Variants in SYNDIG1 observed in about 807,000 individuals in gnomAD.
The protein encoded by SYNDIG1 is synapse differentiation inducing 1.
SYNDIG1 carries 9 observed loss-of-function variants against 19.4 expected under a neutral mutation model. The ratio of observed to expected loss-of-function variants is 0.46; its 90% CI spans 0.28 to 0.81. SYNDIG1 has a LOEUF of 0.81. SYNDIG1 is among the 30% of genes least tolerant of loss of function. SYNDIG1 has a pLI of 0.12. For missense variants in SYNDIG1, 311 were observed against 343.3 expected, an observed-to-expected ratio of 0.91 and a Z score of 0.74; for synonymous variants, 141 against 145.9, an observed-to-expected ratio of 0.97 and a Z score of 0.24.
At chr20:24,551,506 G>A (rs1196144078) in intron 2 of SYNDIG1, among the ~76,000 whole-genome samples, 2 of 150,838 alleles carry the variant, frequency 1.3e-5, no homozygotes, top group African/African-American at 4.9e-5. Context: ...AGATATTTAT[G>A]ACATCCTGCC....
intron 1 of SYNDIG1, among the ~76,000 whole-genome samples, chr20:24,499,420 G>A (rs1309299937): frequency 1.3e-5 from 2 of 152,208 alleles, no homozygotes; most frequent in Non-Finnish European, 2.9e-5. Context: ...CTCAGGCCCA[G>A]TGGCACAGTT....
At chr20:24,648,561 C>T (rs1198206012) in intron 3 of SYNDIG1, among the ~76,000 whole-genome samples, 1 of 152,216 alleles carries the variant, frequency 6.6e-6, no homozygotes, top group Non-Finnish European at 1.5e-5. Context: ...AGTGCACACC[C>T]CTGGTTTCCA....
At chr20:24,614,535 T>C (rs922284642) in intron 3 of SYNDIG1, among the ~76,000 whole-genome samples, 1 of 151,820 alleles carries the variant, frequency 6.6e-6, no homozygotes, top group African/African-American at 2.4e-5. Flanking sequence ...AAGTTGCTAA[T>C]TTAAGACTCT....
chr20:24,481,188 G>C (rs1358310267), intron 1 of SYNDIG1, among the ~76,000 whole-genome samples: 1 of 152,168 alleles, frequency 6.6e-6, no homozygotes, highest in Non-Finnish European at 1.5e-5. Flanking sequence ...CTGGTATGTA[G>C]TTAACAGGCT....
At chr20:24,469,846 A>AGGCTGCCCTGCGCTGGC (rs2055365069) in intron 1 of SYNDIG1, 93 bp downstream of exon 1, 1 of 152,024 alleles carries the variant, frequency 6.6e-6, no homozygotes, top group South Asian at 2.1e-4. Context: ...CGGGAGCTGG[A>AGGCTGCCCTGCGCTGGC]GGCTGCCCTG....
intron 2 of SYNDIG1, among the ~76,000 whole-genome samples, chr20:24,573,112 G>C (rs2058171269): frequency 2.0e-5 from 3 of 152,124 alleles, no homozygotes; most frequent in African/African-American, 7.2e-5. Flanking sequence ...TTGAGAGTGG[G>C]CATCCTGTGA....
chr20:24,560,543 T>C (rs1157805953), intron 2 of SYNDIG1, among the ~76,000 whole-genome samples: 2 of 152,118 alleles, frequency 1.3e-5, no homozygotes, highest in African/African-American at 4.8e-5. Flanking sequence ...TTTTCTTACA[T>C]TGAGTCATTG....
At chr20:24,642,397 T>C (rs2059387292) in intron 3 of SYNDIG1, among the ~76,000 whole-genome samples, 1 of 152,170 alleles carries the variant, frequency 6.6e-6, no homozygotes, top group Admixed American at 6.5e-5. Flanking sequence ...GAGTCACTCT[T>C]TCCCCCTTCC....
intron 1 of SYNDIG1, among the ~76,000 whole-genome samples, chr20:24,470,897 G>A (rs1313204437): frequency 6.6e-6 from 1 of 151,846 alleles, no homozygotes; most frequent in East Asian, 1.9e-4. Context: ...CGATGCCTGC[G>A]CCTTCCCTGG....
At chr20:24,652,801 G>C (rs1455109476) in intron 3 of SYNDIG1, among the ~76,000 whole-genome samples, 2 of 152,172 alleles carry the variant, frequency 1.3e-5, no homozygotes, top group Non-Finnish European at 2.9e-5. Context: ...AGCAGTGGTG[G>C]AGGAGACTGG....
At chr20:24,490,191 A>G (rs6049734) in intron 1 of SYNDIG1, among the ~76,000 whole-genome samples, 11,656 of 152,254 alleles carry the variant, frequency 0.077, 1,495 homozygotes, top group African/African-American at 0.27. Flanking sequence ...CTGGTTTGTC[A>G]TGGAGGGATC....
At chr20:24,593,145 G>GCTTATTTCATCAC (rs2058539587) in intron 3 of SYNDIG1, among the ~76,000 whole-genome samples, 1 of 152,176 alleles carries the variant, frequency 6.6e-6, no homozygotes, top group South Asian at 2.1e-4. Flanking sequence ...TTGATGTACA[G>GCTTATTTCATCAC]CTTATTTCAT....
intron 3 of SYNDIG1, among the ~76,000 whole-genome samples, chr20:24,656,433 A>G (rs2059526567): frequency 6.6e-6 from 1 of 152,176 alleles, no homozygotes; most frequent in East Asian, 1.9e-4. Flanking sequence ...TGCATGCTGG[A>G]CCCCGTGGTG....
At chr20:24,475,799 A>T (rs2055605243) in intron 1 of SYNDIG1, among the ~76,000 whole-genome samples, 1 of 151,842 alleles carries the variant, frequency 6.6e-6, no homozygotes, top group Non-Finnish European at 1.5e-5. Flanking sequence ...CACCGTTTCC[A>T]TAGTGCCTTT....
chr20:24,525,555 A>G (rs1017967037), intron 1 of SYNDIG1, among the ~76,000 whole-genome samples: 4 of 152,150 alleles, frequency 2.6e-5, no homozygotes, highest in African/African-American at 4.8e-5. Flanking sequence ...AAGTGCTGGG[A>G]TTACAGGCGT....
intron 3 of SYNDIG1, among the ~76,000 whole-genome samples, chr20:24,648,918 T>C (rs1000573504): frequency 1.3e-5 from 2 of 152,236 alleles, no homozygotes; most frequent in African/African-American, 4.8e-5. Flanking sequence ...ATTCTTATTA[T>C]TCAGTTATAT....
intron 1 of SYNDIG1, among the ~76,000 whole-genome samples, chr20:24,481,663 A>G (rs2055801262): frequency 6.6e-6 from 1 of 152,224 alleles, no homozygotes; most frequent in Admixed American, 6.5e-5. Flanking sequence ...CATGTATTCA[A>G]TCTGCCATGC....
chr20:24,494,116 CA>C (rs1458106460), intron 1 of SYNDIG1, among the ~76,000 whole-genome samples: 1 of 151,982 alleles, frequency 6.6e-6, no homozygotes, highest in Non-Finnish European at 1.5e-5. Flanking sequence ...GCAGAGGCTT[CA>C]CCAGCAAAGT....
At chr20:24,493,721 G>A (rs1381764027) in intron 1 of SYNDIG1, among the ~76,000 whole-genome samples, 1 of 152,168 alleles carries the variant, frequency 6.6e-6, no homozygotes, top group African/African-American at 2.4e-5. Flanking sequence ...GGTGGTGGAG[G>A]AGGAGCAGAG....
Sources: allele counts gnomAD v4.1 joint callset (sites outside exome capture counted in the v4.1 genomes callset), GRCh38; gene constraint gnomAD v4.1.1; transcripts MANE v1.5; gene names NCBI Gene and HGNC (gene_info 2026-07-23, HGNC 2026-07-21).